UBR2: variants seen among roughly 807,000 people sequenced by gnomAD.
UBR2 encodes the protein ubiquitin protein ligase E3 component n-recognin 2, also known as E3 ubiquitin-protein ligase UBR2.
Under a neutral mutation model 247.9 loss-of-function variants are expected in UBR2, and 92 were observed. That is an observed-to-expected ratio of 0.37 (90% confidence interval 0.31 to 0.44). The LOEUF is 0.44. Among genes scored for constraint, UBR2 ranks in the 20% least tolerant of loss-of-function variants. The pLI, the probability that UBR2 is intolerant of heterozygous loss-of-function variation, is 1.00. For synonymous variants in UBR2, 672 were observed against 693.5 expected, an observed-to-expected ratio of 0.97 and a Z score of 0.49; for missense variants, 1,613 against 2,112.6, an observed-to-expected ratio of 0.76 and a Z score of 4.64.
intron 7 of UBR2, among the ~76,000 whole-genome samples, chr6:42,606,902 T>C (rs2151930268): frequency 6.6e-6 from 1 of 152,264 alleles, no homozygotes; most frequent in African/African-American, 2.4e-5. Flanking sequence ...AGAATGTTTT[T>C]CGCTTTCTGT....
chr6:42,641,519 T>C (rs1467117700), intron 16 of UBR2, 63 bp from the exon 17 acceptor site: 3 of 1,276,414 alleles, frequency 2.4e-6, no homozygotes, highest in South Asian at 1.3e-5. Flanking sequence ...AAACTTCTTT[T>C]TAGAACTGAT....
Position 42,689,978 on chromosome 6 carries a change from C to T in UBR2, c.5126+308C>T, listed in dbSNP as rs1799660225. 6.6e-6 allele frequency among the ~76,000 whole-genome samples: 1 copy of T among 152,178 alleles called. No individual in the cohort carries two copies. The highest frequency in any genetic ancestry group is 2.1e-4 in the South Asian group (1 of 4,830). On this transcript the variant is annotated intron_variant, in intron 46 of 46. Transcript: ENST00000372901. This position sits in a 1 kb window ranked among gnomAD's most constrained non-coding sequence, Gnocchi z 4.0. ...AGCTCAGAGCACTCCAGGGATGGCC[C>T]ACTCTGACTTGTATGGCCTTGTATA...
In UBR2 at chr6:42,637,699, C is replaced by T. The variant is rs185949887; in HGVS notation, c.1858+505C>T. Among the ~76,000 whole-genome samples the T allele has an allele frequency of 7.9e-5, 12 of 152,262 alleles. No individual in the cohort carries two copies. In the East Asian group the frequency reaches 2.3e-3, roughly 29 times the overall value. Reference sequence around the variant, plus strand: ...AGCTTTTTACGCAACAGGTCAAGAACAAGGACATAATGGGGTGATAATCTT... The same window carrying T: ...AGCTTTTTACGCAACAGGTCAAGAATAAGGACATAATGGGGTGATAATCTT... On this transcript the variant is annotated intron_variant, in intron 15 of 46. Coordinates refer to ENST00000372901, the MANE Select transcript of UBR2 (RefSeq NM_001363705.2).
rs1562389161 is a variant in UBR2 at position 42,673,780 on chromosome 6, GTTTAT to G, written c.4087-6_4087-2del. The G allele has an allele frequency of 6.2e-7, 1 of 1,607,190 alleles. No individual in the cohort carries two copies. Among genetic ancestry groups the G allele is most frequent in the South Asian group, 1.1e-5 (1 of 90,008 alleles). Reference sequence around the variant, plus strand: ...TTTTTGTTTTTTGTTAATTGCGTTGGTTTATTTTAGGATGACTGTCTTAGGTCATT... The same window carrying G: ...TTTTTGTTTTTTGTTAATTGCGTTGGTTTAGGATGACTGTCTTAGGTCATT... On this transcript the variant is annotated splice_region_variant and splice_polypyrimidine_tract_variant and intron_variant, in intron 36 of 46. Transcript: ENST00000372901.
In UBR2 at chr6:42,640,208, G is replaced by A; in HGVS notation, c.1859-1G>A. 1 of 1,604,836 alleles carries A rather than the reference G, an allele frequency of 6.2e-7. No homozygotes were observed. On this transcript the variant is annotated splice_acceptor_variant, in intron 15 of 46. Coordinates refer to ENST00000372901, the MANE Select transcript of UBR2 (RefSeq NM_001363705.2). LOFTEE classifies it high-confidence loss of function. ...TGTTTTTTGTTTGTTCTTTCATGCAGGTTTACATGTATTATTAAGCAAAAG... is the reference window on the plus strand; with the variant it reads ...TGTTTTTTGTTTGTTCTTTCATGCAAGTTTACATGTATTATTAAGCAAAAG...
At chr6:42,675,485 ACAATAAG>A (rs1224682550) in intron 38 of UBR2, among the ~76,000 whole-genome samples, 2 of 152,194 alleles carry the variant, frequency 1.3e-5, no homozygotes, top group East Asian at 3.9e-4. Context: ...GTTTTTGTTA[ACAATAAG>A]CTATGTATAG....
intron 1 of UBR2, among the ~76,000 whole-genome samples, chr6:42,570,892 C>T (rs1404292188): frequency 6.6e-6 from 1 of 151,666 alleles, no homozygotes; most frequent in Admixed American, 6.6e-5. Context: ...TGCCATATTG[C>T]CCAAGCTAGA....
rs751232457 is a variant in UBR2, at chr6:42,644,482, C to G, written c.2230C>G (p.Gln744Glu). Residue 744 changes from glutamine to glutamate, a missense_variant, in exon 20 of 47, where the codon CAG (glutamine) becomes GAG (glutamate). This residue lies in a region of UBR2 where 1,524 missense variants were observed against 1,967.3 expected (regional missense o/e 0.77). Transcript: ENST00000372901. ...SSEITHKDVV[Q>E]QNNTLIEEML... is the part of the protein sequence containing the mutation. Reference sequence around the variant, plus strand: ...CCCTCACTTGTTATAGGATGTTGTTCAGCAGAACAATACTCTAATAGAAGA... The same window carrying G: ...CCCTCACTTGTTATAGGATGTTGTTGAGCAGAACAATACTCTAATAGAAGA... The G allele has an allele frequency of 6.2e-7, 1 of 1,611,816 alleles. No homozygotes were observed. The highest frequency in any genetic ancestry group is 1.1e-5 in the South Asian group (1 of 90,892).
intron 8 of UBR2, among the ~76,000 whole-genome samples, chr6:42,613,860 G>C (rs1794244567): frequency 1.3e-5 from 2 of 151,018 alleles, no homozygotes; most frequent in Non-Finnish European, 2.9e-5. Context: ...GCTTGAAAAA[G>C]ATGAAAACAG....
rs1466331752 is a variant in UBR2, at chr6:42,614,338, ATG to A, written c.986-727_986-726del. On this transcript the variant is annotated intron_variant, in intron 8 of 46. Coordinates refer to ENST00000372901, the MANE Select transcript of UBR2 (RefSeq NM_001363705.2). ...GGTATGTATATATGTGTATATGTGT[ATG>A]TGTGTATGTATGTGTGTATATATGT... is the stretch of plus-strand genomic sequence containing the variant. 2.9e-4 allele frequency among the ~76,000 whole-genome samples: 39 copies of A among 133,916 alleles called. No homozygotes were observed. The Middle Eastern group carries it at 0.011, about 38-fold the overall frequency. The allele number at this position is 133,916 out of a possible 152,430, so 87.9% of individuals were successfully genotyped here. A position where few individuals can be genotyped will look rare whatever the true frequency, so the allele number is the denominator to read the frequency against.
chr6:42,577,300 A>C (rs1313606929), intron 2 of UBR2, among the ~76,000 whole-genome samples: 1 of 152,196 alleles, frequency 6.6e-6, no homozygotes, highest in African/African-American at 2.4e-5. Flanking sequence ...AGGATCTTTT[A>C]TATATAGTAC....
intron 38 of UBR2, among the ~76,000 whole-genome samples, chr6:42,675,499 A>G (rs1009996878): frequency 6.6e-6 from 1 of 152,210 alleles, no homozygotes; most frequent in African/African-American, 2.4e-5. Context: ...TAAGCTATGT[A>G]TAGAGGACCC....
At chr6:42,665,380 C>T in intron 32 of UBR2, 29 bp from the exon 33 acceptor site, 1 of 1,513,536 alleles carries the variant, frequency 6.6e-7, no homozygotes, top group Non-Finnish European at 9.1e-7. Context: ...AATAATAAAA[C>T]ACTAAATACT....
chr6:42,619,309 C>T (rs941832711), intron 11 of UBR2, among the ~76,000 whole-genome samples: 5 of 149,492 alleles, frequency 3.3e-5, no homozygotes, highest in Non-Finnish European at 7.4e-5. Context: ...GCACTAACAT[C>T]TTTGCAATAT....
intron 14 of UBR2, among the ~76,000 whole-genome samples, chr6:42,636,401 A>G (rs899350389): frequency 6.6e-6 from 1 of 151,990 alleles, no homozygotes; most frequent in African/African-American, 2.4e-5. Flanking sequence ...CTGGTCTTGA[A>G]TTCCTGGGCT....
rs777589024 is a variant in UBR2, at chr6:42,637,131, A to G, written c.1795A>G (p.Ile599Val). 9 of 1,614,012 alleles carry G rather than the reference A, an allele frequency of 5.6e-6. No individual in the cohort carries two copies. In the East Asian group the frequency reaches 1.1e-4, roughly 20 times the overall value. Residue 599 changes from isoleucine (I) to valine (V), a missense_variant, in exon 15 of 47, where the codon ATC becomes GTC. Ile to Val is a conservative substitution (Grantham distance 29). This residue lies in a region of UBR2 where 1,524 missense variants were observed against 1,967.3 expected (regional missense o/e 0.77). Coordinates refer to ENST00000372901, the MANE Select transcript of UBR2 (RefSeq NM_001363705.2). Reference sequence around the variant, plus strand: ...CATTTGTGGACATTCAGTGGAAACTATCAGATACTGTGTTTCCCAAGAAAA... The same window carrying G: ...CATTTGTGGACATTCAGTGGAAACTGTCAGATACTGTGTTTCCCAAGAAAA... ...LSICGHSVETIRYCVSQEKVS... is the reference protein window; with the variant it reads ...LSICGHSVETVRYCVSQEKVS...
intron 21 of UBR2, among the ~76,000 whole-genome samples, chr6:42,646,016 C>T (rs924051310): frequency 6.6e-6 from 1 of 152,136 alleles, no homozygotes; most frequent in Non-Finnish European, 1.5e-5. Flanking sequence ...CTTTTTCCTT[C>T]TTGGCCTCCA....
In UBR2 at chr6:42,626,847, C is replaced by T. The variant is rs558257324; in HGVS notation, c.1282-5705C>T. Among the ~76,000 whole-genome samples, 6 of 152,276 alleles carry T rather than the reference C, an allele frequency of 3.9e-5. No homozygotes were observed. In the South Asian group the frequency reaches 8.3e-4, roughly 21 times the overall value. On this transcript the variant is annotated intron_variant, in intron 11 of 46. Transcript: ENST00000372901. ...TCAGTTCCCCCTGCTCTTTTTCTTA[C>T]TGGGATTCTGGCCTCTCCAACACCC...
At chr6:42,673,694 A>G in intron 36 of UBR2, 97 bp from the exon 37 acceptor site, 1 of 753,462 alleles carries the variant, frequency 1.3e-6, no homozygotes, top group Admixed American at 2.2e-5. Context: ...CATCTAGAGC[A>G]GTTTCATTGT....
Sources: gnomAD v4.1 joint callset for allele counts (sites outside exome capture counted in the v4.1 genomes callset) on GRCh38, gnomAD v4.1.1 for gene constraint, gnomAD v4.1.1 regional missense constraint, Gnocchi (gnomAD v3.1) non-coding constraint, MANE v1.5 for transcripts, NCBI Gene and HGNC (gene_info 2026-07-23, HGNC 2026-07-21) for gene names.